SLC14A2: variants seen among roughly 807,000 people sequenced by gnomAD.
SLC14A2 encodes solute carrier family 14 member 2, also known as urea transporter 2.
SLC14A2 carries 91 observed loss-of-function variants against 104.6 expected under a neutral mutation model. The ratio of observed to expected loss-of-function variants is 0.87; its 90% CI spans 0.73 to 1.04. SLC14A2 has a LOEUF of 1.04. Ranked by LOEUF, SLC14A2 falls within the 50% of genes least tolerant of loss-of-function variation. The probability of loss-of-function intolerance (pLI) is 0.00; values close to 1 mark genes in which losing one functional copy is unlikely to be tolerated. For missense variants in SLC14A2, 1,189 were observed against 1,156.0 expected (o/e 1.03, Z -0.41); for synonymous variants, 476 against 466.4 (o/e 1.02, Z -0.27).
chr18:45,522,043 A>G (rs1215238742), intron 2 of SLC14A2, among the ~76,000 whole-genome samples: 23 of 152,170 alleles, frequency 1.5e-4, no homozygotes, highest in Admixed American at 1.5e-3. Flanking sequence ...TGCCTGGACT[A>G]TTTGCCCCTT....
At chr18:45,672,753 A>G in intron 16 of SLC14A2, 147 bp from the exon 17 acceptor site, 2 of 634,534 alleles carry the variant, frequency 3.2e-6, no homozygotes, top group Non-Finnish European at 5.4e-6. Context: ...GTTCCTGTTA[A>G]AGTTAACCTA....
rs865899013 is a variant in SLC14A2 at position 45,682,316 on chromosome 18, C to T, written c.2563-3C>T. On this transcript the variant is annotated splice_region_variant and splice_polypyrimidine_tract_variant and intron_variant, in intron 19 of 19. Coordinates refer to ENST00000255226, the MANE Select transcript of SLC14A2 (RefSeq NM_007163.4). ...AAGGCTTATCTGTGTTCTTTCTCTCCAGTTTGGATTGCCGCCCTGCACTTG... is the reference window on the plus strand; with the variant it reads ...AAGGCTTATCTGTGTTCTTTCTCTCTAGTTTGGATTGCCGCCCTGCACTTG... 6.2e-7 allele frequency: 1 copy of T among 1,614,000 alleles called. No homozygotes were observed. The highest frequency in any genetic ancestry group is 2.2e-5 in the East Asian group (1 of 44,884).
intron 1 of SLC14A2, among the ~76,000 whole-genome samples, chr18:45,457,559 C>A (rs906813417): frequency 6.6e-6 from 1 of 152,088 alleles, no homozygotes; most frequent in African/African-American, 2.4e-5. Flanking sequence ...TTCTCAAGCC[C>A]AGAGGCATTT....
intron 1 of SLC14A2, among the ~76,000 whole-genome samples, chr18:45,341,688 G>A (rs1020160266): frequency 6.7e-6 from 1 of 148,320 alleles, no homozygotes. Flanking sequence ...TGCCTGCTGG[G>A]TTCAAGCAAT....
intron 2 of SLC14A2, among the ~76,000 whole-genome samples, chr18:45,548,382 A>G (rs1305299014): frequency 6.6e-6 from 1 of 152,212 alleles, no homozygotes; most frequent in Non-Finnish European, 1.5e-5. Flanking sequence ...GATTCGGGGA[A>G]AAGAGTAGTA....
chr18:45,484,974 T>A (rs1437222673), intron 2 of SLC14A2, among the ~76,000 whole-genome samples: 1 of 152,180 alleles, frequency 6.6e-6, no homozygotes, highest in Admixed American at 6.5e-5. Flanking sequence ...ACAATTGCTG[T>A]TTCTTGTAAT....
At chr18:45,175,641 A>G in the SLC14A2 span, among the ~76,000 whole-genome samples, 11 of 152,270 alleles carry the variant, frequency 7.2e-5, no homozygotes, top group South Asian at 2.3e-3. Context: ...AGAAAAAAAA[A>G]TAAGACTCAG....
intron 1 of SLC14A2, among the ~76,000 whole-genome samples, chr18:45,324,365 G>A (rs184480275): frequency 3.9e-4 from 60 of 152,120 alleles, no homozygotes; most frequent in Non-Finnish European, 1.0e-4. Context: ...TCAAGCAATC[G>A]CCAACGATTA....
chr18:45,570,286 G>A (rs115809812), intron 2 of SLC14A2, among the ~76,000 whole-genome samples: 252 of 152,214 alleles, frequency 1.7e-3, no homozygotes, highest in African/African-American at 5.7e-3. Flanking sequence ...CATCTGATAC[G>A]TTCTTTAAGA....
chr18:45,235,497 T>C (rs762083142), intron 1 of SLC14A2, among the ~76,000 whole-genome samples: 1 of 152,106 alleles, frequency 6.6e-6, no homozygotes, highest in Non-Finnish European at 1.5e-5. Flanking sequence ...CCTACAGTAC[T>C]ATAGAACGCT....
intron 2 of SLC14A2, among the ~76,000 whole-genome samples, chr18:45,523,552 G>A (rs1185885277): frequency 6.8e-6 from 1 of 146,784 alleles, no homozygotes; most frequent in African/African-American, 2.6e-5. Flanking sequence ...GGCCAAGATG[G>A]TCTTGATCTC....
At chr18:45,484,335 C>CT (rs1443683788) in intron 2 of SLC14A2, among the ~76,000 whole-genome samples, 1 of 152,178 alleles carries the variant, frequency 6.6e-6, no homozygotes, top group Non-Finnish European at 1.5e-5. Context: ...TGAAAGAGGC[C>CT]TTGAGGTAGT....
At chr18:45,606,581 G>A (rs535617658) in intron 2 of SLC14A2, among the ~76,000 whole-genome samples, 3 of 148,052 alleles carry the variant, frequency 2.0e-5, no homozygotes, top group South Asian at 2.2e-4. Context: ...CTCAAACCCC[G>A]TAAAGCTGGT....
chr18:45,628,487 C>T (rs1217530453), intron 4 of SLC14A2, among the ~76,000 whole-genome samples: 1 of 151,504 alleles, frequency 6.6e-6, no homozygotes, highest in African/African-American at 2.4e-5. Flanking sequence ...CGTTTTGGCC[C>T]ACTCCTCCCC....
intron 2 of SLC14A2, among the ~76,000 whole-genome samples, chr18:45,590,732 C>CTAGG (rs2044635683): frequency 6.6e-6 from 1 of 152,196 alleles, no homozygotes; most frequent in South Asian, 2.1e-4. Context: ...GCATCTCTGA[C>CTAGG]CCAGCTGCCA....
intron 1 of SLC14A2, among the ~76,000 whole-genome samples, chr18:45,224,479 A>T (rs2084094613): frequency 6.6e-6 from 1 of 152,172 alleles, no homozygotes; most frequent in Non-Finnish European, 1.5e-5. Flanking sequence ...CACACTATGG[A>T]GTCAGAACAT....
chr18:45,637,398 A>G (rs1404464323), intron 6 of SLC14A2, among the ~76,000 whole-genome samples: 1 of 152,180 alleles, frequency 6.6e-6, no homozygotes, highest in African/African-American at 2.4e-5. Context: ...ACTTTTTCAG[A>G]TACTGATAAT....
At chr18:45,231,936 A>T (rs1363903158) in intron 1 of SLC14A2, among the ~76,000 whole-genome samples, 2 of 152,208 alleles carry the variant, frequency 1.3e-5, no homozygotes, top group African/African-American at 4.8e-5. Context: ...GAAGAAACAC[A>T]GGCTGCTCTG....
chr18:45,592,007 C>T (rs1449640000), intron 2 of SLC14A2, among the ~76,000 whole-genome samples: 1 of 152,162 alleles, frequency 6.6e-6, no homozygotes, highest in African/African-American at 2.4e-5. Flanking sequence ...CCAGATGATA[C>T]AGGAACAGAG....
Sources: allele counts gnomAD v4.1 joint callset (sites outside exome capture counted in the v4.1 genomes callset), GRCh38; gene constraint gnomAD v4.1.1; transcripts MANE v1.5; gene names NCBI Gene and HGNC (gene_info 2026-07-23, HGNC 2026-07-21).